The following UBE2D3 variants were observed in gnomAD, a reference collection of about 807,000 sequenced individuals.
UBE2D3 encodes ubiquitin-conjugating enzyme E2 D3.
Under a neutral mutation model 22.8 loss-of-function variants are expected in UBE2D3, and 2 were observed. The ratio of observed to expected loss-of-function variants is 0.09; its 90% CI spans 0.04 to 0.28. The LOEUF (loss-of-function observed/expected upper bound fraction) is 0.28, where lower values mean the gene tolerates loss of function less well. Among genes scored for constraint, UBE2D3 ranks in the 10% least tolerant of loss-of-function variants. The pLI is 1.00. For missense variants in UBE2D3, 27 were observed against 182.5 expected, an observed-to-expected ratio of 0.15 and a Z score of 4.91; for synonymous variants, 56 against 60.4, an observed-to-expected ratio of 0.93 and a Z score of 0.34.
rs527329854 is a variant in UBE2D3, at chr4:102,827,428, G to A, written c.-130C>T. 17 of 986,018 alleles carry A rather than the reference G, an allele frequency of 1.7e-5. No individual in the cohort carries two copies. The South Asian group carries it at 1.9e-4, about 11-fold the overall frequency. 61.1% of individuals were successfully genotyped at this position (986,018 alleles called of 1,614,324 possible). On this transcript the variant is annotated splice_region_variant and 5_prime_UTR_variant, in exon 1 of 8. Coordinates refer to ENST00000453744, the MANE Select transcript of UBE2D3 (RefSeq NM_181891.3). ...CTAGCCGTCCACACCCACGCGTACA[G>A]AGGGGCCGGGGCCTCCCTCAAGCTG... is the stretch of plus-strand genomic sequence containing the variant.
intron 4 of UBE2D3, among the ~76,000 whole-genome samples, chr4:102,806,065 C>T (rs978573352): frequency 6.6e-6 from 1 of 152,138 alleles, no homozygotes; most frequent in African/African-American, 2.4e-5. Flanking sequence ...TAATGATTAT[C>T]CCTCCATCCT....
chr4:102,865,956 C>T (rs921827116), intron 1 of UBE2D3, among the ~76,000 whole-genome samples: 4 of 152,128 alleles, frequency 2.6e-5, no homozygotes, highest in South Asian at 2.1e-4. Context: ...AAAACACTAT[C>T]GCATAAGGTG....
chr4:102,798,508 T>C (rs776595535), intron 7 of UBE2D3, among the ~76,000 whole-genome samples: 11 of 151,650 alleles, frequency 7.3e-5, no homozygotes, highest in Non-Finnish European at 1.3e-4. Context: ...CTGACGCTAA[T>C]GCATGCTTGT....
intron 1 of UBE2D3, among the ~76,000 whole-genome samples, chr4:102,842,348 T>G (rs1731801721): frequency 6.6e-6 from 1 of 151,956 alleles, no homozygotes; most frequent in African/African-American, 2.4e-5. Flanking sequence ...ACCAGGAGTT[T>G]GAGACCAGCC....
chr4:102,865,970 A>C (rs1287124250), intron 1 of UBE2D3, among the ~76,000 whole-genome samples: 2 of 152,368 alleles, frequency 1.3e-5, no homozygotes, highest in African/African-American at 2.4e-5. Context: ...TAAGGTGGTC[A>C]GATAAGCCTA....
In UBE2D3 at chr4:102,827,425, A is replaced by G; in HGVS notation, c.-129+2T>C. ...GCCCTAGCCGTCCACACCCACGCGT[A>G]CAGAGGGGCCGGGGCCTCCCTCAAG... On this transcript the variant is annotated splice_donor_variant, in intron 1 of 7. Transcript: ENST00000453744. LOFTEE classifies it low-confidence loss of function (5UTR_SPLICE). 1 of 986,012 alleles carries G rather than the reference A, an allele frequency of 1.0e-6. No homozygotes were observed. Among genetic ancestry groups the G allele is most frequent in the Non-Finnish European group, 1.2e-6 (1 of 830,062 alleles). 61.1% of individuals were successfully genotyped at this position (986,012 alleles called of 1,614,324 possible). A position where few individuals can be genotyped will look rare whatever the true frequency, so the allele number is the denominator to read the frequency against.
intron 2 of UBE2D3, among the ~76,000 whole-genome samples, chr4:102,813,959 C>T (rs912992229): frequency 1.3e-5 from 2 of 152,228 alleles, no homozygotes; most frequent in African/African-American, 4.8e-5. Context: ...TGCCAATTCA[C>T]TTTGGAAACT....
At chr4:102,826,698 A>C in intron 1 of UBE2D3, 62 bp from the exon 2 acceptor site, 1 of 1,465,720 alleles carries the variant, frequency 6.8e-7, no homozygotes, top group Non-Finnish European at 8.9e-7. Context: ...TGATGAATCC[A>C]GGTCCCTTAA....
intron 6 of UBE2D3, 31 bp downstream of exon 6, chr4:102,801,423 G>T: frequency 6.4e-7 from 1 of 1,556,610 alleles, no homozygotes; most frequent in South Asian, 1.1e-5. Context: ...ATTAGACAAT[G>T]AGAACAGCTT....
intron 1 of UBE2D3, chr4:102,843,639 C>G (rs566334846): frequency 6.7e-5 from 10 of 149,394 alleles, no homozygotes; most frequent in Middle Eastern, 3.4e-3. Context: ...GATATCCTAA[C>G]ATATTTCTGG....
intron 4 of UBE2D3, among the ~76,000 whole-genome samples, chr4:102,807,643 A>G (rs1220344864): frequency 6.6e-6 from 1 of 152,220 alleles, no homozygotes; most frequent in Non-Finnish European, 1.5e-5. Context: ...GTTGCTGAAA[A>G]AGTTCAGCAA....
At chr4:102,846,238 A>G (rs1361967110) in intron 1 of UBE2D3, among the ~76,000 whole-genome samples, 1 of 152,226 alleles carries the variant, frequency 6.6e-6, no homozygotes, top group Non-Finnish European at 1.5e-5. Context: ...CTCCTAGGAA[A>G]TAGTGGTGCT....
chr4:102,837,131 C>T (rs1178633377), intron 1 of UBE2D3: 2 of 152,126 alleles, frequency 1.3e-5, no homozygotes, highest in African/African-American at 2.4e-5. Flanking sequence ...GCTAGCAGAA[C>T]CACCTCAACT....
chr4:102,845,321 C>T (rs557385423), intron 1 of UBE2D3, among the ~76,000 whole-genome samples: 1 of 152,198 alleles, frequency 6.6e-6, no homozygotes, highest in Non-Finnish European at 1.5e-5. Context: ...ATTCCCCCAA[C>T]ATATCTGCTC....
intron 1 of UBE2D3, among the ~76,000 whole-genome samples, chr4:102,860,668 T>C (rs372805631): frequency 3.9e-5 from 6 of 152,086 alleles, no homozygotes; most frequent in South Asian, 4.2e-4. Flanking sequence ...AGCTAGACTA[T>C]GTGCTGAGAA....
chr4:102,868,820 A>T, exon 1 of UBE2D3: 1 of 1,602,112 alleles, frequency 6.2e-7, no homozygotes, highest in South Asian at 1.1e-5. Flanking sequence ...AAGGCCCAAG[A>T]GGAGGGCCAC....
intron 2 of UBE2D3, among the ~76,000 whole-genome samples, chr4:102,813,323 G>A (rs1208085619): frequency 1.3e-5 from 2 of 152,164 alleles, no homozygotes; most frequent in Non-Finnish European, 2.9e-5. Context: ...AGCAGCTGGA[G>A]TTGCAGGTAC....
intron 1 of UBE2D3, among the ~76,000 whole-genome samples, chr4:102,844,493 C>T (rs1199032137): frequency 2.0e-5 from 3 of 152,172 alleles, no homozygotes; most frequent in African/African-American, 7.2e-5. Flanking sequence ...ATAGCAATCC[C>T]TCCATTGATC....
chr4:102,811,519 T>A (rs1221001727), intron 2 of UBE2D3: 1 of 237,574 alleles, frequency 4.2e-6, no homozygotes, highest in Admixed American at 6.4e-5. Context: ...CCATCTCTAC[T>A]AACATCACAA....
Sources: allele counts gnomAD v4.1 joint callset (sites outside exome capture counted in the v4.1 genomes callset), GRCh38; gene constraint gnomAD v4.1.1; transcripts MANE v1.5; gene names NCBI Gene and HGNC (gene_info 2026-07-23, HGNC 2026-07-21).